The following NEGR1 variants were observed in gnomAD, a reference collection of about 807,000 sequenced individuals.
The protein encoded by NEGR1 is neuronal growth regulator 1.
Under a neutral mutation model 40.9 loss-of-function variants are expected in NEGR1, and 10 were observed. The observed-to-expected ratio is 0.24, with a 90% CI of 0.15 to 0.42. The LOEUF is 0.42. Among genes scored for constraint, NEGR1 ranks in the 10% least tolerant of loss-of-function variants. The pLI is 1.00. For missense variants in NEGR1, 352 were observed against 438.9 expected (o/e 0.80, Z 1.77); for synonymous variants, 185 against 166.8 (o/e 1.11, Z -0.84).
At chr1:71,676,625 C>T (rs964115272) in intron 4 of NEGR1, among the ~76,000 whole-genome samples, 2 of 152,164 alleles carry the variant, frequency 1.3e-5, no homozygotes, top group African/African-American at 4.8e-5. Context: ...GATATCTCCA[C>T]CATACTGCTA....
At chr1:71,915,608 C>T (rs1480445145) in intron 2 of NEGR1, among the ~76,000 whole-genome samples, 1 of 152,102 alleles carries the variant, frequency 6.6e-6, no homozygotes, top group East Asian at 1.9e-4. Flanking sequence ...CACAAAACTT[C>T]CCATAGACTA....
At chr1:71,700,343 T>G (rs2794307) in intron 3 of NEGR1, among the ~76,000 whole-genome samples, 75,641 of 151,680 alleles carry the variant, frequency 0.5, 18,897 homozygotes, top group East Asian at 0.65. Context: ...CTACATGCCT[T>G]ATTTGTATAC....
At chr1:72,128,739 T>C (rs774119276) in intron 1 of NEGR1, among the ~76,000 whole-genome samples, 4 of 152,184 alleles carry the variant, frequency 2.6e-5, no homozygotes, top group Non-Finnish European at 4.4e-5. Context: ...GGGTGCCCAA[T>C]ATTTGGTTAA....
At chr1:71,589,422 A>T (rs1649424044) in intron 6 of NEGR1, among the ~76,000 whole-genome samples, 1 of 151,978 alleles carries the variant, frequency 6.6e-6, no homozygotes, top group African/African-American at 2.4e-5. Context: ...TGAAACTATC[A>T]CCTCCATTCT....
chr1:72,274,898 ACCAAG>A (rs1655984692), intron 1 of NEGR1: 14 of 1,595,272 alleles, frequency 8.8e-6, no homozygotes, highest in Non-Finnish European at 1.0e-5. Flanking sequence ...ATTCCACAGA[ACCAAG>A]TCAATCGAAA....
At chr1:71,484,248 T>A (rs1646873274) in intron 6 of NEGR1, among the ~76,000 whole-genome samples, 1 of 151,674 alleles carries the variant, frequency 6.6e-6, no homozygotes, top group South Asian at 2.1e-4. Context: ...AAATACCAGC[T>A]GGATGTTAAC....
At chr1:72,092,862 G>A (rs1648550996) in intron 1 of NEGR1, among the ~76,000 whole-genome samples, 2 of 152,122 alleles carry the variant, frequency 1.3e-5, no homozygotes, top group Non-Finnish European at 2.9e-5. Context: ...ATTGTGCCCA[G>A]GCTGGTCTCA....
At chr1:71,523,994 AT>A (rs574831090) in intron 6 of NEGR1, among the ~76,000 whole-genome samples, 1 of 151,454 alleles carries the variant, frequency 6.6e-6, no homozygotes, top group Non-Finnish European at 1.5e-5. Context: ...CATTTAAACA[AT>A]TTTTTTTCAT....
At chr1:71,658,994 T>G (rs1406918864) in intron 4 of NEGR1, among the ~76,000 whole-genome samples, 1 of 152,176 alleles carries the variant, frequency 6.6e-6, no homozygotes, top group Non-Finnish European at 1.5e-5. Flanking sequence ...TTGGATTTTC[T>G]GTAATATGCT....
At chr1:71,946,830 A>G (rs1314441042) in intron 1 of NEGR1, among the ~76,000 whole-genome samples, 1 of 151,974 alleles carries the variant, frequency 6.6e-6, no homozygotes, top group African/African-American at 2.4e-5. Context: ...ATTTTAATAA[A>G]TATTTGTCCA....
chr1:71,918,494 G>A (rs1250912831), intron 2 of NEGR1, among the ~76,000 whole-genome samples: 1 of 151,880 alleles, frequency 6.6e-6, no homozygotes, highest in African/African-American at 2.4e-5. Context: ...TGGTCTGCAA[G>A]GTATCTTCAT....
chr1:72,001,940 T>C (rs1292798671), intron 1 of NEGR1, among the ~76,000 whole-genome samples: 2 of 152,030 alleles, frequency 1.3e-5, no homozygotes, highest in Non-Finnish European at 2.9e-5. Context: ...CTGCAAAAAA[T>C]CAACCTGAAA....
chr1:72,061,048 C>T (rs1031623589), intron 1 of NEGR1, among the ~76,000 whole-genome samples: 5 of 151,622 alleles, frequency 3.3e-5, no homozygotes, highest in Non-Finnish European at 5.9e-5. Flanking sequence ...TAAAGGGAGA[C>T]TTGTGGATTT....
At position 72,085,169 on chromosome 1, in the gene NEGR1, T is replaced by C. The variant is rs113776680; in HGVS notation, c.177-149858A>G. On this transcript the variant is annotated intron_variant, in intron 1 of 6. Coordinates refer to ENST00000357731, the MANE Select transcript of NEGR1 (RefSeq NM_173808.3). ...TGCTTCAATAAAGGTAATATGTTTT[T>C]ATTAGACAGAAATGCATGTAATGCA... Among the ~76,000 whole-genome samples, 481 of 152,332 alleles carry C rather than the reference T, an allele frequency of 3.2e-3. 3 individuals are homozygous for C. Among genetic ancestry groups the C allele is most frequent in the African/African-American group, 0.011 (463 of 41,586 alleles).
chr1:71,888,435 C>G (rs531016666), intron 2 of NEGR1, among the ~76,000 whole-genome samples: 1 of 152,024 alleles, frequency 6.6e-6, no homozygotes, highest in African/African-American at 2.4e-5. Flanking sequence ...GTTCCCTTTC[C>G]GAGTCAAAGA....
chr1:72,257,536 G>A (rs1209478495), intron 1 of NEGR1, among the ~76,000 whole-genome samples: 1 of 151,896 alleles, frequency 6.6e-6, no homozygotes, highest in East Asian at 1.9e-4. Flanking sequence ...TGTCTCAAAT[G>A]CCCCTCCTCC....
chr1:71,633,737 A>T (rs576473379), intron 4 of NEGR1, among the ~76,000 whole-genome samples: 19 of 152,220 alleles, frequency 1.2e-4, no homozygotes, highest in African/African-American at 4.3e-4. Context: ...GCATTTATAG[A>T]TTGGCCCCTT....
chr1:72,006,693 C>T (rs1646609777), intron 1 of NEGR1, among the ~76,000 whole-genome samples: 2 of 152,010 alleles, frequency 1.3e-5, no homozygotes, highest in Non-Finnish European at 2.9e-5. Context: ...AATAAGAATA[C>T]CAGCAAACTA....
At chr1:71,710,451 G>T (rs957077466) in intron 3 of NEGR1, among the ~76,000 whole-genome samples, 2 of 152,204 alleles carry the variant, frequency 1.3e-5, no homozygotes, top group Non-Finnish European at 2.9e-5. Context: ...ACTGTTTACA[G>T]TTGCTAAAAC....
Sources: gnomAD v4.1 joint callset for allele counts (sites outside exome capture counted in the v4.1 genomes callset) on GRCh38, gnomAD v4.1.1 for gene constraint, MANE v1.5 for transcripts, NCBI Gene and HGNC (gene_info 2026-07-23, HGNC 2026-07-21) for gene names.